The following PEX5L variants were observed in gnomAD, a reference collection of about 807,000 sequenced individuals.
The protein encoded by PEX5L is peroxisomal biogenesis factor 5 like.
In PEX5L, 30 loss-of-function variants were observed where a neutral mutation model predicts 84.0. That is an observed-to-expected ratio of 0.36 (90% CI 0.27 to 0.48). The LOEUF is 0.48. Ranked by LOEUF, PEX5L falls within the 20% of genes least tolerant of loss-of-function variation. PEX5L has a pLI of 0.99. For synonymous variants in PEX5L, 270 were observed against 283.1 expected (o/e 0.95, Z 0.46); for missense variants, 533 against 754.6 (o/e 0.71, Z 3.44).
intron 4 of PEX5L, among the ~76,000 whole-genome samples, chr3:179,884,556 C>G (rs1443082492): frequency 6.6e-6 from 1 of 152,102 alleles, no homozygotes; most frequent in Non-Finnish European, 1.5e-5. Flanking sequence ...TTGTTTTAAG[C>G]CATTAGATTT....
At chr3:179,971,822 T>TA (rs1173969802) in intron 1 of PEX5L, among the ~76,000 whole-genome samples, 157 bp from the exon 2 acceptor site, 1 of 152,210 alleles carries the variant, frequency 6.6e-6, no homozygotes, top group Non-Finnish European at 1.5e-5. Context: ...CAAATGTTTT[T>TA]ATTGTTAAAC....
At chr3:179,829,479 T>C (rs1231456117) in intron 8 of PEX5L, among the ~76,000 whole-genome samples, 1 of 152,190 alleles carries the variant, frequency 6.6e-6, no homozygotes, top group Admixed American at 6.5e-5. Context: ...AGTTACTGAA[T>C]GTCTCAATGT....
chr3:179,845,962 G>C (rs189232543), intron 8 of PEX5L, among the ~76,000 whole-genome samples: 5 of 152,256 alleles, frequency 3.3e-5, no homozygotes. Flanking sequence ...CTGAGGTCAG[G>C]AGTTTGAGAC....
At chr3:179,824,710 A>C (rs2109018379) in intron 8 of PEX5L, among the ~76,000 whole-genome samples, 1 of 150,794 alleles carries the variant, frequency 6.6e-6, no homozygotes, top group East Asian at 1.9e-4. Flanking sequence ...CCATCTCAAA[A>C]AAAAAAAAAA....
intron 7 of PEX5L, among the ~76,000 whole-genome samples, chr3:179,872,849 T>A (rs951431135): frequency 2.6e-5 from 4 of 152,236 alleles, no homozygotes; most frequent in African/African-American, 9.6e-5. Flanking sequence ...ATGAAATATT[T>A]TTCTGATATA....
chr3:179,831,602 G>T (rs1187944233), intron 8 of PEX5L, among the ~76,000 whole-genome samples: 1 of 152,164 alleles, frequency 6.6e-6, no homozygotes, highest in African/African-American at 2.4e-5. Context: ...GGCATAGACA[G>T]ATGCAATACA....
intron 1 of PEX5L, among the ~76,000 whole-genome samples, chr3:180,034,093 G>T (rs574146962): frequency 6.6e-6 from 1 of 152,172 alleles, no homozygotes; most frequent in African/African-American, 2.4e-5. Context: ...CACCACAGGA[G>T]TTTTAAATTA....
intron 2 of PEX5L, among the ~76,000 whole-genome samples, chr3:179,964,113 A>G (rs561003569): frequency 6.6e-6 from 1 of 152,196 alleles, no homozygotes; most frequent in South Asian, 2.1e-4. Flanking sequence ...GGTAATAAAC[A>G]TATTACCTGA....
chr3:179,971,668 T>C lies in PEX5L; in HGVS notation c.22-3A>G, dbSNP rs1356970342. The C allele has an allele frequency of 7.5e-6, 12 of 1,596,906 alleles. No homozygotes were observed. Among genetic ancestry groups the C allele is most frequent in the Non-Finnish European group, 9.4e-6 (11 of 1,171,582 alleles). On this transcript the variant is annotated splice_polypyrimidine_tract_variant and splice_region_variant and intron_variant, in intron 1 of 14. Coordinates refer to ENST00000467460, the MANE Select transcript of PEX5L (RefSeq NM_016559.3). Reference sequence around the variant, plus strand: ...CCATATCCTTGTTCTTTACTTTTCTTGTGAAAGAATAATTTTAAATGATCA... The same window carrying C: ...CCATATCCTTGTTCTTTACTTTTCTCGTGAAAGAATAATTTTAAATGATCA...
chr3:179,908,671 A>G (rs545455882), intron 2 of PEX5L, among the ~76,000 whole-genome samples: 1 of 130,224 alleles, frequency 7.7e-6, no homozygotes, highest in Admixed American at 9.7e-5. Context: ...TCCTGTGTCC[A>G]TGTGTTCTCA....
chr3:179,875,808 T>C (rs1205598588), intron 5 of PEX5L, among the ~76,000 whole-genome samples: 2 of 152,198 alleles, frequency 1.3e-5, no homozygotes, highest in Non-Finnish European at 2.9e-5. Context: ...GAATCTTGTA[T>C]ATAAGCCTGT....
chr3:179,878,408 T>G (rs527556621), intron 5 of PEX5L, among the ~76,000 whole-genome samples: 2 of 152,176 alleles, frequency 1.3e-5, no homozygotes, highest in East Asian at 3.8e-4. Context: ...GTTGCTGTCA[T>G]TCCTCTTAGC....
chr3:179,977,934 A>AT (rs1169979274), intron 1 of PEX5L, among the ~76,000 whole-genome samples: 1 of 152,038 alleles, frequency 6.6e-6, no homozygotes, highest in East Asian at 1.9e-4. Flanking sequence ...ACACTTTTTT[A>AT]TTTTTGGGTC....
chr3:180,013,699 T>C (rs1789685332), intron 1 of PEX5L, among the ~76,000 whole-genome samples: 1 of 152,184 alleles, frequency 6.6e-6, no homozygotes, highest in Non-Finnish European at 1.5e-5. Flanking sequence ...TTAGCTATTG[T>C]AATTACTACT....
At chr3:179,812,762 C>T (rs1253543183) in intron 10 of PEX5L, among the ~76,000 whole-genome samples, 1 of 151,756 alleles carries the variant, frequency 6.6e-6, no homozygotes, top group East Asian at 2.0e-4. Context: ...TCATTACACA[C>T]ATTGTCTTCA....
intron 3 of PEX5L, among the ~76,000 whole-genome samples, chr3:179,893,975 G>A (rs1430419425): frequency 2.0e-5 from 3 of 151,854 alleles, no homozygotes; most frequent in Admixed American, 6.6e-5. Context: ...TGTTGCCCAG[G>A]CTGGTCTCAA....
chr3:179,819,594 C>A (rs1727636859), intron 9 of PEX5L, among the ~76,000 whole-genome samples: 1 of 152,164 alleles, frequency 6.6e-6, no homozygotes, highest in African/African-American at 2.4e-5. Context: ...AACTGGCTAG[C>A]AGTCAGGATC....
intron 4 of PEX5L, chr3:179,881,694 A>T (rs1754208929): frequency 6.6e-6 from 1 of 152,210 alleles, no homozygotes; most frequent in Non-Finnish European, 1.5e-5. Flanking sequence ...TGAGACAAGA[A>T]TCAGATCCAT....
chr3:179,954,534 G>A (rs1488213763), intron 2 of PEX5L, among the ~76,000 whole-genome samples: 1 of 152,080 alleles, frequency 6.6e-6, no homozygotes, highest in African/African-American at 2.4e-5. Context: ...TTGTTTGTTT[G>A]TTAATGTAAA....
Sources: allele counts gnomAD v4.1 joint callset (sites outside exome capture counted in the v4.1 genomes callset), GRCh38; gene constraint gnomAD v4.1.1; transcripts MANE v1.5; gene names NCBI Gene and HGNC (gene_info 2026-07-23, HGNC 2026-07-21).